The following ASPA variants were observed in gnomAD, a reference collection of about 807,000 sequenced individuals.
ASPA encodes the protein aspartoacylase.
A neutral mutation model predicts 29.6 loss-of-function variants in ASPA; 25 were observed. The ratio of observed to expected loss-of-function variants is 0.85; its 90% confidence interval spans 0.62 to 1.18. The LOEUF (loss-of-function observed/expected upper bound fraction) is 1.18, where lower values mean the gene tolerates loss of function less well. Ranked by LOEUF, ASPA falls within the 50% of genes most tolerant of loss-of-function variation. The pLI is 0.00. For synonymous variants in ASPA, 131 were observed against 130.3 expected, an observed-to-expected ratio of 1.01 and a Z score of -0.04; for missense variants, 333 against 385.7, an observed-to-expected ratio of 0.86 and a Z score of 1.14.
chr17:3,476,510 C>A, intron 1 of ASPA, 115 bp downstream of exon 1: 1 of 968,690 alleles, frequency 1.0e-6, no homozygotes, highest in Non-Finnish European at 1.6e-6. Flanking sequence ...TACATGCAGT[C>A]GTATGTTGAA....
intron 5 of ASPA, among the ~76,000 whole-genome samples, chr17:3,497,947 T>G (rs1401049366): frequency 6.6e-6 from 1 of 152,148 alleles, no homozygotes; most frequent in Non-Finnish European, 1.5e-5. Context: ...GTTCCCGTGG[T>G]GTGACAGCCA....
At position 3,498,929 on chromosome 17, in the gene ASPA, G is replaced by C. The variant is rs1223541787; in HGVS notation, c.783G>C (p.Met261Ile). 2 of 1,609,508 alleles carry C rather than the reference G, an allele frequency of 1.2e-6. No homozygotes were observed. Among genetic ancestry groups the C allele is most frequent in the Non-Finnish European group, 1.7e-6 (2 of 1,177,210 alleles). Residue 261 changes from methionine (M) to isoleucine (I), a missense_variant, in exon 6 of 6, where the codon ATG (methionine) becomes ATC (isoleucine). By Grantham distance (10) the Met-to-Ile change is conservative. Coordinates refer to ENST00000263080, the MANE Select transcript of ASPA (RefSeq NM_000049.4). ...AACCACTGCATCCTGGGGATCCCAT[G>C]TTTTTAACTCTTGATGGGAAGACGA... ...DWKPLHPGDP[M>I]FLTLDGKTIP...
chr17:3,491,315 C>CT (rs1223178744), intron 4 of ASPA, among the ~76,000 whole-genome samples: 5 of 151,860 alleles, frequency 3.3e-5, no homozygotes, highest in Non-Finnish European at 5.9e-5. Flanking sequence ...AGGTAATGGT[C>CT]TTTTTTTTCT....
At chr17:3,481,208 G>A (rs529114977) in intron 1 of ASPA, among the ~76,000 whole-genome samples, 13 of 152,056 alleles carry the variant, frequency 8.5e-5, no homozygotes, top group Non-Finnish European at 1.6e-4. Context: ...AGCTAAAGTG[G>A]GGGAAAAAAA....
chr17:3,496,790 GGA>G (rs2073914024), intron 5 of ASPA, among the ~76,000 whole-genome samples: 1 of 152,236 alleles, frequency 6.6e-6, no homozygotes, highest in East Asian at 1.9e-4. Context: ...TTCCTGGCCA[GGA>G]GCGGTGGCTC....
intron 2 of ASPA, among the ~76,000 whole-genome samples, chr17:3,482,732 G>C (rs957198764): frequency 2.6e-5 from 4 of 151,440 alleles, no homozygotes; most frequent in Non-Finnish European, 5.9e-5. Flanking sequence ...CAGTAACTGG[G>C]TAGTGGTCCT....
chr17:3,497,616 A>G (rs1159654340), intron 5 of ASPA, among the ~76,000 whole-genome samples: 1 of 152,178 alleles, frequency 6.6e-6, no homozygotes, highest in Non-Finnish European at 1.5e-5. Flanking sequence ...ACCTGTATAT[A>G]TGTATTTAAC....
At chr17:3,480,016 C>T (rs2073599766) in intron 1 of ASPA, among the ~76,000 whole-genome samples, 1 of 149,014 alleles carries the variant, frequency 6.7e-6, no homozygotes, top group South Asian at 2.1e-4. Context: ...TATATCTGTA[C>T]CTGCAAACTT....
chr17:3,492,850 A>C (rs991608668), intron 4 of ASPA, among the ~76,000 whole-genome samples: 1 of 152,226 alleles, frequency 6.6e-6, no homozygotes, highest in Non-Finnish European at 1.5e-5. Context: ...AAAACAATAA[A>C]AAAAATCCAC....
At position 3,499,557 on chromosome 17, in the gene ASPA, C is replaced by G. The variant is rs1363994567; in HGVS notation, c.*469C>G. The G allele has an allele frequency of 6.6e-6, 1 of 152,602 alleles. No individual in the cohort carries two copies. Among genetic ancestry groups the G allele is most frequent in the Non-Finnish European group, 1.5e-5 (1 of 68,518 alleles). 9.5% of individuals were successfully genotyped at this position (152,602 alleles called of 1,614,324 possible). A position where few individuals can be genotyped will look rare whatever the true frequency, so the allele number is the denominator to read the frequency against. ...GTGCTCACTCCTTGTCTCTGTGTCA[C>G]CCTTTGATAATATTTCAAGCTTTTT... is the stretch of plus-strand genomic sequence containing the variant. On this transcript the variant is annotated 3_prime_UTR_variant, in exon 6 of 6. Coordinates refer to ENST00000263080, the MANE Select transcript of ASPA (RefSeq NM_000049.4).
chr17:3,489,809 A>G (rs1431468257), intron 4 of ASPA, among the ~76,000 whole-genome samples: 1 of 152,238 alleles, frequency 6.6e-6, no homozygotes, highest in Non-Finnish European at 1.5e-5. Flanking sequence ...ATAATCTTAC[A>G]GCATCCACTT....
intron 5 of ASPA, among the ~76,000 whole-genome samples, chr17:3,497,372 C>CTA (rs1456798632): frequency 1.3e-5 from 2 of 152,138 alleles, no homozygotes; most frequent in Non-Finnish European, 2.9e-5. Context: ...AAACAGTGAA[C>CTA]TATAAATGGG....
Position 3,502,175 on chromosome 17 carries a change from T to C in ASPA, c.*3087T>C, listed in dbSNP as rs569022525. On this transcript the variant is annotated 3_prime_UTR_variant, in exon 6 of 6. Coordinates refer to ENST00000263080, the MANE Select transcript of ASPA (RefSeq NM_000049.4). Reference sequence around the variant, plus strand: ...AGGCCCTCCACCAGCAAAAAGATCATGAATTGCTGAAAGCTCAAATGATGG... The same window carrying C: ...AGGCCCTCCACCAGCAAAAAGATCACGAATTGCTGAAAGCTCAAATGATGG... 6.6e-6 allele frequency: 1 copy of C among 152,376 alleles called. No individual in the cohort carries two copies. Among genetic ancestry groups the C allele is most frequent in the South Asian group, 2.1e-4 (1 of 4,834 alleles). The allele number at this position is 152,376 out of a possible 1,614,324, so 9.4% of individuals were successfully genotyped here.
intron 4 of ASPA, 109 bp downstream of exon 4, chr17:3,489,451 A>C: frequency 1.1e-6 from 1 of 914,732 alleles, no homozygotes; most frequent in Non-Finnish European, 1.8e-6. Flanking sequence ...GCTTTTTAAA[A>C]TTTTTATTCA....
intron 1 of ASPA, among the ~76,000 whole-genome samples, chr17:3,477,281 A>G (rs1313632510): frequency 6.6e-6 from 1 of 152,252 alleles, no homozygotes; most frequent in Non-Finnish European, 1.5e-5. Flanking sequence ...TAAAGACACC[A>G]TCTGAATTTT....
chr17:3,492,237 C>T (rs946271468), intron 4 of ASPA, among the ~76,000 whole-genome samples: 1 of 152,158 alleles, frequency 6.6e-6, no homozygotes, highest in African/African-American at 2.4e-5. Flanking sequence ...CTTTTTGAGG[C>T]TGTAAGAAGT....
chr17:3,492,219 G>A lies in ASPA; in HGVS notation c.635-2131G>A, dbSNP rs189731629. Among the ~76,000 whole-genome samples the A allele has an allele frequency of 2.9e-3, 441 of 152,280 alleles. 5 individuals carry two copies. The highest frequency in any genetic ancestry group is 0.01 in the African/African-American group (422 of 41,552). ...TAAAAAAGCTGAGCAGCAATGAAAC[G>A]GGCCACACTTTTTGAGGCTGTAAGA... On this transcript the variant is annotated intron_variant, in intron 4 of 5. Coordinates refer to ENST00000263080, the MANE Select transcript of ASPA (RefSeq NM_000049.4).
At position 3,480,253 on chromosome 17, in the gene ASPA, AG is replaced by A. The variant is rs796805295; in HGVS notation, c.237-1347del. Among the ~76,000 whole-genome samples the A allele has an allele frequency of 1.8e-3, 279 of 152,372 alleles. 1 individual carries two copies. Among genetic ancestry groups the A allele is most frequent in the African/African-American group, 5.9e-3 (247 of 41,590 alleles). On this transcript the variant is annotated intron_variant, in intron 1 of 5. Transcript: ENST00000263080. ...CAGACAGAGCTGATTTATCAAGACA[AG>A]GGAACTGCAATAAAGAGTTTAATTC...
At chr17:3,494,718 C>T (rs1274624289) in intron 5 of ASPA, among the ~76,000 whole-genome samples, 2 of 152,106 alleles carry the variant, frequency 1.3e-5, no homozygotes, top group African/African-American at 2.4e-5. Context: ...AAAAGTCTAA[C>T]TTTAGTCTAG....
Sources: allele counts gnomAD v4.1 joint callset (sites outside exome capture counted in the v4.1 genomes callset), GRCh38; gene constraint gnomAD v4.1.1; transcripts MANE v1.5; gene names NCBI Gene and HGNC (gene_info 2026-07-23, HGNC 2026-07-21).